The following MALRD1 variants were observed in gnomAD, a reference collection of about 807,000 sequenced individuals.
MALRD1 encodes MAM and LDL-receptor class A domain-containing protein 1.
In MALRD1, 247 loss-of-function variants were observed where a neutral mutation model predicts 242.1. The observed-to-expected ratio is 1.02, with a 90% CI of 0.92 to 1.13. The LOEUF (loss-of-function observed/expected upper bound fraction) is 1.13, where lower values mean the gene tolerates loss of function less well. Among genes scored for constraint, MALRD1 ranks in the 50% most tolerant of loss-of-function variants. The pLI, the probability that MALRD1 is intolerant of heterozygous loss-of-function variation, is 0.00. For synonymous variants in MALRD1, 995 were observed against 866.6 expected, an observed-to-expected ratio of 1.15 and a Z score of -2.60; for missense variants, 2,989 against 2,533.1, an observed-to-expected ratio of 1.18 and a Z score of -3.86.
chr10:19,141,212 G>A (rs989672337), intron 10 of MALRD1, among the ~76,000 whole-genome samples: 2 of 152,146 alleles, frequency 1.3e-5, no homozygotes, highest in African/African-American at 4.8e-5. Context: ...ACATGAAATA[G>A]ATCTAATTTT....
intron 38 of MALRD1, among the ~76,000 whole-genome samples, chr10:19,693,070 T>C (rs1833180784): frequency 6.6e-6 from 1 of 151,866 alleles, no homozygotes; most frequent in Non-Finnish European, 1.5e-5. Context: ...GGATGGGACA[T>C]ATCTCAAAAT....
chr10:19,706,149 G>C (rs911050423), intron 38 of MALRD1, among the ~76,000 whole-genome samples: 1 of 152,136 alleles, frequency 6.6e-6, no homozygotes, highest in South Asian at 2.1e-4. Flanking sequence ...TGCGGAAAGG[G>C]AGTTCAAGAA....
intron 21 of MALRD1, among the ~76,000 whole-genome samples, chr10:19,287,359 C>T (rs941756609): frequency 1.3e-4 from 19 of 150,724 alleles, no homozygotes; most frequent in African/African-American, 4.6e-4. Context: ...AGGAATAAAA[C>T]CTCTATTTCT....
chr10:19,509,183 C>T lies in MALRD1; in HGVS notation c.5320+10537C>T, dbSNP rs138507030. Among the ~76,000 whole-genome samples the T allele has an allele frequency of 2.4e-3, 365 of 152,092 alleles. 7 individuals carry two copies. In the East Asian group the frequency reaches 0.05, roughly 21 times the overall value. On this transcript the variant is annotated intron_variant, in intron 31 of 39. Transcript: ENST00000454679. ...AATTACGTTTAGCAGAGTTTATTTG[C>T]ACAATAAATAATTCATGAATTGGGC...
intron 36 of MALRD1, among the ~76,000 whole-genome samples, chr10:19,629,099 A>T (rs1445765220): frequency 6.6e-6 from 1 of 152,178 alleles, no homozygotes; most frequent in African/African-American, 2.4e-5. Flanking sequence ...GCACAGTGAT[A>T]CCTAATTTCC....
chr10:19,424,423 GT>G (rs1188239743), intron 28 of MALRD1, among the ~76,000 whole-genome samples: 2 of 152,166 alleles, frequency 1.3e-5, no homozygotes, highest in African/African-American at 4.8e-5. Context: ...GCCTCCCAAA[GT>G]TCTGGGATCA....
intron 1 of MALRD1, among the ~76,000 whole-genome samples, chr10:19,062,168 A>G (rs572384880): frequency 4.6e-5 from 7 of 152,344 alleles, no homozygotes; most frequent in African/African-American, 1.7e-4. Flanking sequence ...ACATGAAAAA[A>G]TACTCAACAT....
intron 4 of MALRD1, among the ~76,000 whole-genome samples, chr10:19,095,032 CAA>C (rs1401422250): frequency 1.3e-5 from 2 of 151,822 alleles, no homozygotes; most frequent in Non-Finnish European, 2.9e-5. Flanking sequence ...CAATTTAACC[CAA>C]GTTGGTTTTT....
Position 19,466,096 on chromosome 10 carries a change from G to C in MALRD1, c.5029+15606G>C, listed in dbSNP as rs191468206. On this transcript the variant is annotated intron_variant, in intron 29 of 39. Coordinates refer to ENST00000454679, the MANE Select transcript of MALRD1 (RefSeq NM_001142308.3). ...GGTTGAATGTTTTTTAAAGATTCATGAGCTAATTATTAAACATTTATTTTT... is the reference window on the plus strand; with the variant it reads ...GGTTGAATGTTTTTTAAAGATTCATCAGCTAATTATTAAACATTTATTTTT... Among the ~76,000 whole-genome samples, 380 of 152,190 alleles carry C rather than the reference G, an allele frequency of 2.5e-3. 3 individuals carry two copies. Among genetic ancestry groups the C allele is most frequent in the African/African-American group, 7.6e-3 (315 of 41,526 alleles).
At chr10:19,242,572 A>G (rs780181743) in intron 18 of MALRD1, among the ~76,000 whole-genome samples, 2 of 152,024 alleles carry the variant, frequency 1.3e-5, no homozygotes, top group Non-Finnish European at 2.9e-5. Context: ...TAAATCTAAT[A>G]TTTGCTTTAT....
intron 29 of MALRD1, among the ~76,000 whole-genome samples, chr10:19,462,191 T>C (rs1835979029): frequency 6.6e-6 from 1 of 152,282 alleles, no homozygotes; most frequent in African/African-American, 2.4e-5. Flanking sequence ...GCACTTCCTC[T>C]TGAGTGCATT....
intron 5 of MALRD1, among the ~76,000 whole-genome samples, chr10:19,122,734 T>C (rs886221537): frequency 1.3e-5 from 2 of 149,268 alleles, no homozygotes; most frequent in South Asian, 4.3e-4. Context: ...ACAGGCACAA[T>C]TTTTTTTTTG....
intron 21 of MALRD1, among the ~76,000 whole-genome samples, chr10:19,291,099 A>G (rs1841400737): frequency 6.6e-6 from 1 of 152,196 alleles, no homozygotes; most frequent in African/African-American, 2.4e-5. Context: ...TGGTCCTCAA[A>G]TACATTTTAT....
intron 29 of MALRD1, among the ~76,000 whole-genome samples, chr10:19,480,816 C>G (rs1359514809): frequency 6.6e-6 from 1 of 152,056 alleles, no homozygotes; most frequent in Non-Finnish European, 1.5e-5. Context: ...TCTTTCTAGG[C>G]CTTCTAAACA....
At chr10:19,567,408 A>G (rs1207758660) in intron 32 of MALRD1, 94 bp from the exon 33 acceptor site, 11 of 1,099,022 alleles carry the variant, frequency 1.0e-5, no homozygotes, top group Non-Finnish European at 1.4e-5. Context: ...GAGCTGTTAC[A>G]TAGCCAGAGA....
At chr10:19,295,223 AT>A (rs1215940047) in intron 21 of MALRD1, among the ~76,000 whole-genome samples, 1 of 152,070 alleles carries the variant, frequency 6.6e-6, no homozygotes, top group African/African-American at 2.4e-5. Flanking sequence ...ATTATTACAA[AT>A]TATTATTCGT....
At chr10:19,701,620 A>T (rs1280200137) in intron 38 of MALRD1, among the ~76,000 whole-genome samples, 1 of 152,066 alleles carries the variant, frequency 6.6e-6, no homozygotes, top group African/African-American at 2.4e-5. Context: ...AGCAATATGG[A>T]AAAAGGAGCA....
intron 28 of MALRD1, among the ~76,000 whole-genome samples, chr10:19,407,841 C>T (rs1371101729): frequency 2.0e-5 from 3 of 152,114 alleles, no homozygotes; most frequent in Non-Finnish European, 2.9e-5. Flanking sequence ...CTATGTTCCT[C>T]CTTTGTATGT....
Position 19,156,362 on chromosome 10 carries a change from C to G in MALRD1, c.1656+1190C>G, listed in dbSNP as rs564851173. The stretch of plus-strand genomic sequence containing the variant: ...AAGAATTAAAGCAAATGCCTGGTCT[C>G]CATTTCCATTTTATCCAAATGCCTT... On this transcript the variant is annotated intron_variant, in intron 12 of 39. Coordinates refer to ENST00000454679, the MANE Select transcript of MALRD1 (RefSeq NM_001142308.3). Among the ~76,000 whole-genome samples, 198 of 151,008 alleles carry G rather than the reference C, an allele frequency of 1.3e-3. 1 individual carries two copies. The highest frequency in any genetic ancestry group is 2.5e-3 in the Non-Finnish European group (170 of 67,792).
Sources: gnomAD v4.1 joint callset for allele counts (sites outside exome capture counted in the v4.1 genomes callset) on GRCh38, gnomAD v4.1.1 for gene constraint, MANE v1.5 for transcripts, NCBI Gene and HGNC (gene_info 2026-07-23, HGNC 2026-07-21) for gene names.